SMAP2: variants seen among roughly 807,000 people sequenced by gnomAD.
SMAP2 encodes small ArfGAP2.
In SMAP2, 25 loss-of-function variants were observed where a neutral mutation model predicts 56.4. That is an observed-to-expected ratio of 0.44 (90% CI 0.32 to 0.62). SMAP2 has a LOEUF of 0.62. Ranked by LOEUF, SMAP2 falls within the 20% of genes least tolerant of loss-of-function variation. The probability of loss-of-function intolerance (pLI) is 0.04; values close to 1 mark genes in which losing one functional copy is unlikely to be tolerated. For missense variants in SMAP2, 388 were observed against 545.6 expected (o/e 0.71, Z 2.88); for synonymous variants, 157 against 181.7 (o/e 0.86, Z 1.09).
chr1:40,402,510 T>C (rs1644845504), intron 1 of SMAP2, among the ~76,000 whole-genome samples: 1 of 152,066 alleles, frequency 6.6e-6, no homozygotes, highest in African/African-American at 2.4e-5. Flanking sequence ...AGTGCAGTGG[T>C]GTGATCTCGG....
At chr1:40,393,251 A>T in intron 1 of SMAP2, 2 of 1,373,190 alleles carry the variant, frequency 1.5e-6, no homozygotes, top group Non-Finnish European at 1.9e-6. Context: ...GCTTGAGCAT[A>T]GGAGATTGAG....
chr1:40,403,311 G>C (rs192041210), intron 1 of SMAP2, among the ~76,000 whole-genome samples: 4 of 152,290 alleles, frequency 2.6e-5, no homozygotes, highest in Admixed American at 1.3e-4. Context: ...TTTGAGACCA[G>C]CCTGGCCAAC....
intron 1 of SMAP2, among the ~76,000 whole-genome samples, chr1:40,392,576 C>G (rs552103152): frequency 2.0e-5 from 3 of 152,134 alleles, no homozygotes; most frequent in Non-Finnish European, 4.4e-5. Context: ...ATGTCTCATC[C>G]ACCACTCTTC....
upstream of SMAP2, among the ~76,000 whole-genome samples, chr1:40,373,335 G>A (rs1644510175): frequency 6.6e-6 from 1 of 152,128 alleles, no homozygotes; most frequent in Non-Finnish European, 1.5e-5. Flanking sequence ...CAAGCTGGAG[G>A]ACTTTGGGGT....
chr1:40,386,853 CTTTTTTT>C lies in SMAP2; in HGVS notation c.103+12642_103+12648del, dbSNP rs57984975. 7.9e-5 allele frequency among the ~76,000 whole-genome samples: 10 copies of C among 127,352 alleles called. No individual in the cohort carries two copies. The highest frequency in any genetic ancestry group is 4.5e-4 in the East Asian group (2 of 4,428). 83.5% of individuals were successfully genotyped at this position (127,352 alleles called of 152,430 possible). ...GATGCTGAAGGTATTTTTCATAATT[CTTTTTTT>C]TTTTTTTTTTTGGAGACAAGGTCTC... is the stretch of plus-strand genomic sequence containing the variant. On this transcript the variant is annotated intron_variant, in intron 1 of 9. Transcript: ENST00000372718. This position sits in a 1 kb window ranked among gnomAD's most constrained non-coding sequence, Gnocchi z 4.1.
rs779780010 is a variant in SMAP2, at chr1:40,406,874, T to G, written c.237+5T>G. 2 of 1,611,322 alleles carry G rather than the reference T, an allele frequency of 1.2e-6. No homozygotes were observed. Among genetic ancestry groups the G allele is most frequent in the Non-Finnish European group, 8.5e-7 (1 of 1,178,238 alleles). The stretch of plus-strand genomic sequence containing the variant: ...TGGACTCAAGAACAGATTCAGGTAC[T>G]TAGCCCAAGAGTGAGTCAGCTGCTT... On this transcript the variant is annotated splice_donor_5th_base_variant and intron_variant, in intron 2 of 9. Transcript: ENST00000372718.
At chr1:40,395,694 A>G (rs1411075580) in intron 1 of SMAP2, among the ~76,000 whole-genome samples, 1 of 152,228 alleles carries the variant, frequency 6.6e-6, no homozygotes, top group Non-Finnish European at 1.5e-5. Flanking sequence ...ACAGGAAATT[A>G]GTGCTGTAAT....
At chr1:40,420,057 C>T (rs1355026043) in intron 9 of SMAP2, among the ~76,000 whole-genome samples, 1 of 152,086 alleles carries the variant, frequency 6.6e-6, no homozygotes, top group Admixed American at 6.6e-5. Flanking sequence ...TTTTGGAAAA[C>T]TGTATTTACC....
Position 40,373,763 on chromosome 1 carries a change from A to G in SMAP2, c.-358A>G. ...CGGAGCTGACGGCAGCTGCCAGGGA[A>G]ACCGAGGCGCGGGACGCAAGGCCAG... is the stretch of plus-strand genomic sequence containing the variant. On this transcript the variant is annotated 5_prime_UTR_variant, in exon 1 of 10. Transcript: ENST00000372718. 5.3e-6 allele frequency: 1 copy of G among 188,714 alleles called. No homozygotes were observed. Among genetic ancestry groups the G allele is most frequent in the South Asian group, 9.4e-5 (1 of 10,680 alleles). The allele number at this position is 188,714 out of a possible 1,614,324, so 11.7% of individuals were successfully genotyped here. A position where few individuals can be genotyped will look rare whatever the true frequency, so the allele number is the denominator to read the frequency against.
chr1:40,391,812 T>G (rs1489206051), intron 1 of SMAP2, among the ~76,000 whole-genome samples: 2 of 152,198 alleles, frequency 1.3e-5, no homozygotes, highest in African/African-American at 4.8e-5. Flanking sequence ...TTGTTTTTGT[T>G]TTTAAATATA....
chr1:40,404,168 G>T (rs1043735047), intron 1 of SMAP2, among the ~76,000 whole-genome samples: 2 of 152,126 alleles, frequency 1.3e-5, no homozygotes, highest in Admixed American at 1.3e-4. Context: ...AGTAACATTT[G>T]TCTCTTTTAT....
At chr1:40,407,419 A>G (rs967042795) in intron 2 of SMAP2, among the ~76,000 whole-genome samples, 1 of 152,174 alleles carries the variant, frequency 6.6e-6, no homozygotes, top group Non-Finnish European at 1.5e-5. Context: ...TGAGCCCAGA[A>G]GTTGAAGCTG....
chr1:40,351,625 T>A (rs918093107), intron 1 of SMAP2, among the ~76,000 whole-genome samples: 1 of 152,140 alleles, frequency 6.6e-6, no homozygotes, highest in African/African-American at 2.4e-5. Flanking sequence ...CGCCTCAGCC[T>A]CCGGAGTAGC....
chr1:40,381,580 T>C (rs1644599608), intron 1 of SMAP2, among the ~76,000 whole-genome samples: 1 of 152,262 alleles, frequency 6.6e-6, no homozygotes, highest in African/African-American at 2.4e-5. Context: ...CTTTAGTATA[T>C]TTTGACTGCA....
At chr1:40,392,369 T>G (rs770223805) in intron 1 of SMAP2, among the ~76,000 whole-genome samples, 1 of 151,904 alleles carries the variant, frequency 6.6e-6, no homozygotes. Flanking sequence ...TCAGTCCCTA[T>G]CCTTAGGTCC....
rs551809605 is a variant in SMAP2 at position 40,402,712 on chromosome 1, A to G, written c.104-4024A>G. Among the ~76,000 whole-genome samples, 3 of 152,182 alleles carry G rather than the reference A, an allele frequency of 2.0e-5. No individual in the cohort carries two copies. In the South Asian group the frequency reaches 6.2e-4, roughly 32 times the overall value. The stretch of plus-strand genomic sequence containing the variant: ...ATTAATCAACCTCATTTCTTCCTCC[A>G]TCCGCCTACCCTTCCTGGCTTCTAG... On this transcript the variant is annotated intron_variant, in intron 1 of 9. Transcript: ENST00000372718.
intron 9 of SMAP2, among the ~76,000 whole-genome samples, chr1:40,417,412 C>T (rs765354336): frequency 6.6e-6 from 1 of 152,082 alleles, no homozygotes; most frequent in African/African-American, 2.4e-5. Context: ...ACAACAATCT[C>T]ATTTGGTAGA....
chr1:40,391,070 C>G (rs1209326521), intron 1 of SMAP2, among the ~76,000 whole-genome samples: 1 of 152,104 alleles, frequency 6.6e-6, no homozygotes, highest in Non-Finnish European at 1.5e-5. Context: ...CATTCCTGTC[C>G]TCTGCCCACT....
chr1:40,397,041 T>C (rs1478215382), intron 1 of SMAP2, among the ~76,000 whole-genome samples: 1 of 152,234 alleles, frequency 6.6e-6, no homozygotes, highest in East Asian at 1.9e-4. Flanking sequence ...TTTCCTTATA[T>C]GTATGTTGCA....
Sources: allele counts gnomAD v4.1 joint callset (sites outside exome capture counted in the v4.1 genomes callset), GRCh38; gene constraint gnomAD v4.1.1; non-coding constraint Gnocchi (gnomAD v3.1); transcripts MANE v1.5; gene names NCBI Gene and HGNC (gene_info 2026-07-23, HGNC 2026-07-21).